Variants in AHRR observed in about 807,000 individuals in gnomAD.
AHRR encodes aryl hydrocarbon receptor repressor.
A neutral mutation model predicts 44.0 loss-of-function variants in AHRR; 28 were observed. The observed-to-expected ratio is 0.64, with a 90% CI of 0.47 to 0.87. The LOEUF is 0.87. AHRR is among the 40% of genes least tolerant of loss of function. AHRR has a pLI of 0.00. For missense variants in AHRR, 990 were observed against 953.9 expected (o/e 1.04, Z -0.50); for synonymous variants, 434 against 407.0 (o/e 1.07, Z -0.80).
chr5:390,457 A>G (rs550761649), intron 4 of AHRR, among the ~76,000 whole-genome samples: 6 of 152,392 alleles, frequency 3.9e-5, no homozygotes, highest in Admixed American at 3.9e-4. Flanking sequence ...AAGAAAATTC[A>G]GACATGAAAA....
chr5:371,790 G>C (rs1232238882), intron 3 of AHRR, among the ~76,000 whole-genome samples: 1 of 152,208 alleles, frequency 6.6e-6, no homozygotes, highest in Non-Finnish European at 1.5e-5. Context: ...TGATTCCCTA[G>C]AGGGAGTCCT....
chr5:389,799 G>T (rs546539291), intron 4 of AHRR, among the ~76,000 whole-genome samples: 11 of 151,584 alleles, frequency 7.3e-5, no homozygotes, highest in Non-Finnish European at 1.3e-4. Context: ...TAAGGAAAGA[G>T]GCCACCGTGA....
In AHRR at chr5:434,805, C is replaced by G; in HGVS notation, c.2065C>G (p.Gln689Glu). Residue 689 changes from glutamine (Q) to glutamate (E), a missense_variant, in exon 11 of 11, where the codon CAA (glutamine) becomes GAA (glutamate). By Grantham distance (29) the Gln-to-Glu change is conservative. Coordinates refer to ENST00000684583, the MANE Select transcript of AHRR (RefSeq NM_001377236.1). ...KSALATLVPP[Q>E]ASGCTFLP ...TGCCTTGGCCACGCTGGTCCCGCCCCAAGCTTCGGGGTGCACATTCCTGCC... is the reference window on the plus strand; with the variant it reads ...TGCCTTGGCCACGCTGGTCCCGCCCGAAGCTTCGGGGTGCACATTCCTGCC... 1 of 1,553,258 alleles carries G rather than the reference C, an allele frequency of 6.4e-7. No individual in the cohort carries two copies. Among genetic ancestry groups the G allele is most frequent in the Non-Finnish European group, 8.7e-7 (1 of 1,148,064 alleles).
In AHRR at chr5:404,491, C is replaced by A; in HGVS notation, c.352-8853C>A. On this transcript the variant is annotated intron_variant, in intron 4 of 10. Coordinates refer to ENST00000684583, the MANE Select transcript of AHRR (RefSeq NM_001377236.1). This position sits in a 1 kb window ranked among gnomAD's most constrained non-coding sequence, Gnocchi z 4.1. ...GTGTTCACCAAAACATCTAACGCAA[C>A]TATTTTCAGACTTTACGGTTTGTAG... 1 of 464,620 alleles carries A rather than the reference C, an allele frequency of 2.2e-6. No individual in the cohort carries two copies. The highest frequency in any genetic ancestry group is 4.3e-6 in the Non-Finnish European group (1 of 232,122). The allele number at this position is 464,620 out of a possible 1,614,324, so 28.8% of individuals were successfully genotyped here.
intron 2 of AHRR, among the ~76,000 whole-genome samples, chr5:346,324 G>T (rs942470332): frequency 7.2e-5 from 11 of 152,174 alleles, no homozygotes; most frequent in Admixed American, 2.6e-4. Context: ...TCTGAGTTTT[G>T]AAATAGGTGA....
Position 327,946 on chromosome 5 carries a change from T to C in AHRR, c.-11+6127T>C, listed in dbSNP as rs868623786. Among the ~76,000 whole-genome samples the C allele has an allele frequency of 2.1e-3, 317 of 152,212 alleles. 2 individuals are homozygous for C. The Middle Eastern group carries it at 0.031, about 15-fold the overall frequency. On this transcript the variant is annotated intron_variant, in intron 1 of 10. Coordinates refer to ENST00000684583, the MANE Select transcript of AHRR (RefSeq NM_001377236.1). ...CTATCCCTCCCCGCTCCCCCTACCC[T>C]ACAACAGTCCCCAGAGTGTGATGTT...
At chr5:332,907 T>C (rs2126333158) in intron 1 of AHRR, among the ~76,000 whole-genome samples, 1 of 150,004 alleles carries the variant, frequency 6.7e-6, no homozygotes, top group East Asian at 1.9e-4. Context: ...CCCTTTATCA[T>C]TATATAATAA....
rs751545718 is a variant in AHRR at position 432,948 on chromosome 5, G to T, written c.1112+1G>T. 6.3e-7 allele frequency: 1 copy of T among 1,594,804 alleles called. No individual in the cohort carries two copies. The highest frequency in any genetic ancestry group is 1.1e-5 in the South Asian group (1 of 88,738). The stretch of plus-strand genomic sequence containing the variant: ...TCCTTGACCCCAAGGGGGGCTCAGG[G>T]TAAGTGGTGCCAGGCAGCCTCCCCC... On this transcript the variant is annotated splice_donor_variant, in intron 10 of 10. Transcript: ENST00000684583. LOFTEE classifies it high-confidence loss of function.
chr5:389,734 C>T (rs1342781210), intron 4 of AHRR, among the ~76,000 whole-genome samples: 1 of 151,914 alleles, frequency 6.6e-6, no homozygotes, highest in Non-Finnish European at 1.5e-5. Flanking sequence ...ATGGCGGCCC[C>T]CAGGACACAC....
chr5:331,514 T>C (rs2126329271), intron 1 of AHRR, among the ~76,000 whole-genome samples: 1 of 152,350 alleles, frequency 6.6e-6, no homozygotes, highest in Non-Finnish European at 1.5e-5. Context: ...TTTGGTTTGG[T>C]TTGTTCTCGC....
chr5:351,679 G>A (rs1007564230), intron 2 of AHRR, among the ~76,000 whole-genome samples: 7 of 152,148 alleles, frequency 4.6e-5, no homozygotes, highest in African/African-American at 7.2e-5. Flanking sequence ...GCTTAGCGAC[G>A]GCCCTAAGTG....
intron 1 of AHRR, among the ~76,000 whole-genome samples, chr5:332,153 T>C (rs184339742): frequency 7.6e-4 from 116 of 152,154 alleles, no homozygotes; most frequent in African/African-American, 2.7e-3. Context: ...TCCACTGTGG[T>C]TTGAGAAGAT....
chr5:329,670 C>T, intron 1 of AHRR, among the ~76,000 whole-genome samples: 1 of 152,182 alleles, frequency 6.6e-6, no homozygotes. Flanking sequence ...AATTTTCTTT[C>T]ATCAGTGTTT....
intron 1 of AHRR, among the ~76,000 whole-genome samples, chr5:340,688 A>ATATATATATATTTTT (rs1269938749): frequency 7.7e-5 from 1 of 12,928 alleles, no homozygotes; most frequent in Non-Finnish European, 1.3e-4. Context: ...ATATATATAT[A>ATATATATATATTTTT]TTTTTTTTTT....
intron 3 of AHRR, among the ~76,000 whole-genome samples, chr5:355,793 G>T (rs937849215): frequency 6.6e-6 from 1 of 152,224 alleles, no homozygotes; most frequent in Non-Finnish European, 1.5e-5. Context: ...GCCCACCTCT[G>T]CCGCAGCTGC....
chr5:415,565 A>G (rs2721000), intron 5 of AHRR, among the ~76,000 whole-genome samples: 2,458 of 66,962 alleles, frequency 0.037, 225 homozygotes, highest in African/African-American at 0.12. Flanking sequence ...TAGGGGCCGA[A>G]TCTGCCTGGT....
At chr5:410,369 A>T (rs1363036100) in intron 4 of AHRR, among the ~76,000 whole-genome samples, 1 of 151,822 alleles carries the variant, frequency 6.6e-6, no homozygotes, top group African/African-American at 2.4e-5. Context: ...GCTAGTTTTT[A>T]AAGTTTTTGT....
At chr5:410,895 C>T (rs1405088766) in intron 4 of AHRR, among the ~76,000 whole-genome samples, 1 of 152,022 alleles carries the variant, frequency 6.6e-6, no homozygotes, top group Non-Finnish European at 1.5e-5. Context: ...AAGGAATTTT[C>T]CTGTTTCACT....
intron 5 of AHRR, among the ~76,000 whole-genome samples, chr5:417,350 T>A (rs1735874293): frequency 6.8e-6 from 1 of 147,018 alleles, no homozygotes; most frequent in African/African-American, 2.6e-5. Flanking sequence ...AGGGCCTGAG[T>A]TTAGAGAAGG....
Sources: allele counts gnomAD v4.1 joint callset (sites outside exome capture counted in the v4.1 genomes callset), GRCh38; gene constraint gnomAD v4.1.1; non-coding constraint Gnocchi (gnomAD v3.1); transcripts MANE v1.5; gene names NCBI Gene and HGNC (gene_info 2026-07-23, HGNC 2026-07-21).